FGF14: variants seen among roughly 807,000 people sequenced by gnomAD.
FGF14 encodes fibroblast growth factor homologous factor 4.
A neutral mutation model predicts 25.5 loss-of-function variants in FGF14; 5 were observed. That is an observed-to-expected ratio of 0.20 (90% CI 0.10 to 0.41). FGF14 has a LOEUF of 0.41. Ranked by LOEUF, FGF14 falls within the 10% of genes least tolerant of loss-of-function variation. FGF14 has a pLI of 1.00. For missense variants in FGF14, 222 were observed against 320.1 expected (o/e 0.69, Z 2.34); for synonymous variants, 138 against 118.3 (o/e 1.17, Z -1.08).
intron 1 of FGF14, among the ~76,000 whole-genome samples, chr13:102,104,087 T>C (rs1350789686): frequency 6.6e-6 from 1 of 152,214 alleles, no homozygotes; most frequent in Non-Finnish European, 1.5e-5. Context: ...AAGTAGTACA[T>C]TTATCTTCAG....
At chr13:101,861,936 C>T (rs1224948344) in intron 3 of FGF14, among the ~76,000 whole-genome samples, 5 of 152,036 alleles carry the variant, frequency 3.3e-5, no homozygotes, top group Non-Finnish European at 5.9e-5. Context: ...ATGATCATAG[C>T]GGTTTTCTTG....
chr13:102,180,499 G>C lies in FGF14; in HGVS notation c.208+220972C>G, dbSNP rs200194272. On this transcript the variant is annotated intron_variant, in intron 1 of 4. Transcript: ENST00000376131. The stretch of plus-strand genomic sequence containing the variant: ...AGCTAAGTTTTGTATTTTTAGTAGA[G>C]ATGGGGTTTCACCATGTTGGCCAGG... 3.0e-4 allele frequency among the ~76,000 whole-genome samples: 46 copies of C among 152,128 alleles called. 1 individual carries two copies. In the East Asian group the frequency reaches 7.6e-3, roughly 25 times the overall value.
In FGF14 at chr13:101,864,012, GAT is replaced by G. The variant is rs1400700500; in HGVS notation, c.408+4711_408+4712del. 7.2e-5 allele frequency among the ~76,000 whole-genome samples: 11 copies of G among 152,248 alleles called. No homozygotes were observed. The East Asian group carries it at 2.1e-3, about 29-fold the overall frequency. ...GGCTCATTTGAAAATGCTCCTGAAA[GAT>G]ATGATATCAGAACACTATCTTATGT... On this transcript the variant is annotated intron_variant, in intron 3 of 4. Coordinates refer to ENST00000376143, the MANE Select transcript of FGF14 (RefSeq NM_004115.4).
chr13:101,814,906 T>C (rs2041761475), intron 3 of FGF14, among the ~76,000 whole-genome samples: 1 of 152,180 alleles, frequency 6.6e-6, no homozygotes, highest in Non-Finnish European at 1.5e-5. Context: ...AAGTATTAAT[T>C]GGCAGTCAGA....
intron 1 of FGF14, among the ~76,000 whole-genome samples, chr13:102,036,427 A>T (rs1369644206): frequency 6.6e-6 from 1 of 152,090 alleles, no homozygotes; most frequent in Non-Finnish European, 1.5e-5. Flanking sequence ...AACCAAAAGG[A>T]GGGACAAAGT....
chr13:102,375,890 C>A (rs924385849), intron 1 of FGF14, among the ~76,000 whole-genome samples: 13 of 152,144 alleles, frequency 8.5e-5, no homozygotes, highest in African/African-American at 2.9e-4. Flanking sequence ...TATATATTTT[C>A]TTTGAATGTA....
chr13:102,110,752 G>A (rs920406287), intron 1 of FGF14, among the ~76,000 whole-genome samples: 3 of 149,530 alleles, frequency 2.0e-5, no homozygotes. Flanking sequence ...AAGCCTTCTA[G>A]GGAAAGAATT....
At chr13:101,993,770 C>CA (rs1159749796) in intron 1 of FGF14, among the ~76,000 whole-genome samples, 4 of 150,908 alleles carry the variant, frequency 2.7e-5, no homozygotes, top group Admixed American at 6.6e-5. Context: ...CCAGAGAAGG[C>CA]AAAAAAATGG....
chr13:102,089,989 A>G (rs192893801), intron 1 of FGF14, among the ~76,000 whole-genome samples: 111 of 152,334 alleles, frequency 7.3e-4, no homozygotes, highest in Non-Finnish European at 3.1e-4. Context: ...TCCATTTGCC[A>G]TATCTGAAGC....
chr13:102,336,704 C>G (rs2056798100), intron 1 of FGF14, among the ~76,000 whole-genome samples: 1 of 152,186 alleles, frequency 6.6e-6, no homozygotes, highest in Non-Finnish European at 1.5e-5. Flanking sequence ...TTCAAAGCTT[C>G]AAACTCAGCC....
intron 1 of FGF14, among the ~76,000 whole-genome samples, chr13:102,202,048 C>A (rs968869041): frequency 6.6e-5 from 10 of 152,184 alleles, no homozygotes; most frequent in Non-Finnish European, 1.3e-4. Flanking sequence ...GCACCTCCCC[C>A]AATCTCTTTT....
intron 3 of FGF14, among the ~76,000 whole-genome samples, chr13:101,796,704 G>A (rs558811938): frequency 1.3e-5 from 2 of 152,144 alleles, no homozygotes; most frequent in East Asian, 3.9e-4. Flanking sequence ...AGCCAGCTAT[G>A]AGTGAAGGAG....
chr13:102,018,685 C>G (rs928079035), intron 1 of FGF14, among the ~76,000 whole-genome samples: 1 of 152,066 alleles, frequency 6.6e-6, no homozygotes, highest in Non-Finnish European at 1.5e-5. Flanking sequence ...GTCACTTATC[C>G]ATCGCCCTCC....
At chr13:101,992,589 G>A (rs1409592916) in intron 1 of FGF14, among the ~76,000 whole-genome samples, 2 of 152,066 alleles carry the variant, frequency 1.3e-5, no homozygotes, top group African/African-American at 2.4e-5. Flanking sequence ...AAGTGAACAA[G>A]ATGTAAGAGA....
chr13:102,280,121 T>A (rs1316601189), intron 1 of FGF14, among the ~76,000 whole-genome samples: 2 of 152,236 alleles, frequency 1.3e-5, no homozygotes, highest in African/African-American at 4.8e-5. Flanking sequence ...TTATTTTTCC[T>A]TTTTTCACTC....
intron 1 of FGF14, among the ~76,000 whole-genome samples, chr13:102,182,808 G>A (rs1334102178): frequency 6.6e-6 from 1 of 151,990 alleles, no homozygotes; most frequent in Non-Finnish European, 1.5e-5. Flanking sequence ...AGAAGTAGAT[G>A]GATTATAAAG....
intron 1 of FGF14, among the ~76,000 whole-genome samples, chr13:101,987,225 G>A (rs966826051): frequency 6.6e-6 from 1 of 151,740 alleles, no homozygotes; most frequent in Non-Finnish European, 1.5e-5. Flanking sequence ...TCCCACTCCA[G>A]GAAAAAAAGG....
chr13:101,803,096 A>AT (rs1237863254), intron 3 of FGF14, among the ~76,000 whole-genome samples: 33 of 130,834 alleles, frequency 2.5e-4, no homozygotes, highest in Admixed American at 1.8e-3. Context: ...AATTGTTTGG[A>AT]TTTTTTTTAG....
At chr13:101,926,210 A>T (rs2034352270) in intron 1 of FGF14, among the ~76,000 whole-genome samples, 1 of 152,218 alleles carries the variant, frequency 6.6e-6, no homozygotes, top group Non-Finnish European at 1.5e-5. Flanking sequence ...TGTATCCAAA[A>T]CACACAGAAA....
Sources: gnomAD v4.1 joint callset for allele counts (sites outside exome capture counted in the v4.1 genomes callset) on GRCh38, gnomAD v4.1.1 for gene constraint, MANE v1.5 for transcripts, NCBI Gene and HGNC (gene_info 2026-07-23, HGNC 2026-07-21) for gene names.